The following UBE2E2 variants were observed in gnomAD, a reference collection of about 807,000 sequenced individuals.
The protein encoded by UBE2E2 is ubiquitin conjugating enzyme E2 E2, also known as ubiquitin-conjugating enzyme E2 E2.
UBE2E2 carries 6 observed loss-of-function variants against 24.7 expected under a neutral mutation model. That is an observed-to-expected ratio of 0.24 (90% CI 0.13 to 0.48). The LOEUF is 0.48. UBE2E2 is among the 20% of genes least tolerant of loss of function. The pLI, the probability that UBE2E2 is intolerant of heterozygous loss-of-function variation, is 0.99. For missense variants in UBE2E2, 169 were observed against 245.0 expected (o/e 0.69, Z 2.07); for synonymous variants, 104 against 83.6 (o/e 1.24, Z -1.33).
At chr3:23,529,914 G>A (rs944438158) in intron 4 of UBE2E2, among the ~76,000 whole-genome samples, 4 of 152,122 alleles carry the variant, frequency 2.6e-5, no homozygotes, top group African/African-American at 9.7e-5. Context: ...CCTTCCTAAT[G>A]TATGTGTTTG....
At chr3:23,557,149 A>G (rs1695809921) in intron 5 of UBE2E2, among the ~76,000 whole-genome samples, 2 of 152,326 alleles carry the variant, frequency 1.3e-5, no homozygotes, top group East Asian at 1.9e-4. Flanking sequence ...GAAATCAGTG[A>G]ATGACGGTGT....
At chr3:23,488,788 AG>A (rs1226890614) in intron 3 of UBE2E2, among the ~76,000 whole-genome samples, 1 of 152,100 alleles carries the variant, frequency 6.6e-6, no homozygotes, top group African/African-American at 2.4e-5. Context: ...AACAGGTGGG[AG>A]GTGGGGGCGG....
At chr3:23,271,589 G>A (rs1698244349) in intron 3 of UBE2E2, among the ~76,000 whole-genome samples, 1 of 152,098 alleles carries the variant, frequency 6.6e-6, no homozygotes, top group Non-Finnish European at 1.5e-5. Flanking sequence ...GAGCTGATTG[G>A]TCCATTTTGA....
intron 3 of UBE2E2, among the ~76,000 whole-genome samples, chr3:23,233,034 C>CATT (rs1234350539): frequency 6.6e-6 from 1 of 151,936 alleles, no homozygotes; most frequent in African/African-American, 2.4e-5. Flanking sequence ...AGTTAGCAGG[C>CATT]GAATGTAGCC....
chr3:23,266,694 C>T (rs949689140), intron 3 of UBE2E2, among the ~76,000 whole-genome samples: 2 of 152,092 alleles, frequency 1.3e-5, no homozygotes, highest in Admixed American at 1.3e-4. Context: ...CAGCTCCACA[C>T]CAAGCAGACG....
intron 3 of UBE2E2, among the ~76,000 whole-genome samples, chr3:23,483,413 T>C (rs1191619996): frequency 6.6e-6 from 1 of 152,342 alleles, no homozygotes; most frequent in East Asian, 1.9e-4. Flanking sequence ...ATATAAAATG[T>C]CTTAATTCTT....
chr3:23,358,056 G>T (rs1022751605), intron 3 of UBE2E2, among the ~76,000 whole-genome samples: 1 of 152,026 alleles, frequency 6.6e-6, no homozygotes, highest in Non-Finnish European at 1.5e-5. Flanking sequence ...GGCTGGTCTC[G>T]AGCTCTTGGG....
intron 3 of UBE2E2, among the ~76,000 whole-genome samples, chr3:23,477,038 AT>A (rs979472466): frequency 6.6e-6 from 1 of 152,166 alleles, no homozygotes; most frequent in African/African-American, 2.4e-5. Context: ...CAAAATTATC[AT>A]TTTAAAATTT....
At chr3:23,573,537 A>T (rs146069799) in intron 5 of UBE2E2, among the ~76,000 whole-genome samples, 3 of 152,230 alleles carry the variant, frequency 2.0e-5, no homozygotes, top group African/African-American at 7.2e-5. Flanking sequence ...ATTAAAATCA[A>T]TGAACAGCCT....
At chr3:23,570,403 C>A (rs951771495) in intron 5 of UBE2E2, among the ~76,000 whole-genome samples, 3 of 152,122 alleles carry the variant, frequency 2.0e-5, no homozygotes, top group Non-Finnish European at 4.4e-5. Flanking sequence ...CCAGCCCAGC[C>A]CATTTCCCAG....
At chr3:23,538,766 G>A (rs922511262) in intron 5 of UBE2E2, among the ~76,000 whole-genome samples, 1 of 151,604 alleles carries the variant, frequency 6.6e-6, no homozygotes, top group African/African-American at 2.4e-5. Context: ...TCATAAATTT[G>A]GTTTAAAAAA....
intron 3 of UBE2E2, among the ~76,000 whole-genome samples, chr3:23,348,794 G>A (rs1013535474): frequency 6.8e-6 from 1 of 148,102 alleles, no homozygotes; most frequent in Admixed American, 6.9e-5. Context: ...GCTGTTGCTA[G>A]GGTTTCTCTG....
intron 3 of UBE2E2, among the ~76,000 whole-genome samples, chr3:23,418,649 A>G (rs569539737): frequency 5.9e-5 from 9 of 152,312 alleles, no homozygotes; most frequent in South Asian, 2.1e-4. Context: ...TGAAAAGTAC[A>G]TCTTAAGCTG....
At chr3:23,488,443 T>G (rs746467733) in intron 3 of UBE2E2, among the ~76,000 whole-genome samples, 1 of 152,192 alleles carries the variant, frequency 6.6e-6, no homozygotes, top group East Asian at 1.9e-4. Flanking sequence ...CTCCCACTTA[T>G]GAGTGAGAAC....
chr3:23,291,271 C>T (rs913879529), intron 3 of UBE2E2, among the ~76,000 whole-genome samples: 2 of 152,080 alleles, frequency 1.3e-5, no homozygotes, highest in East Asian at 3.9e-4. Flanking sequence ...TACAAACTCA[C>T]AAATTACTGG....
At chr3:23,268,555 A>T (rs1402477433) in intron 3 of UBE2E2, among the ~76,000 whole-genome samples, 1 of 147,060 alleles carries the variant, frequency 6.8e-6, no homozygotes, top group Non-Finnish European at 1.5e-5. Flanking sequence ...ATAAAAGAGG[A>T]TACAAAGAAA....
At chr3:23,402,322 T>C (rs186677183) in intron 3 of UBE2E2, among the ~76,000 whole-genome samples, 1 of 152,306 alleles carries the variant, frequency 6.6e-6, no homozygotes, top group African/African-American at 2.4e-5. Flanking sequence ...TATCAAGTGA[T>C]CTTACGTGAT....
chr3:23,236,096 A>G (rs964559926), intron 3 of UBE2E2, among the ~76,000 whole-genome samples: 2 of 152,138 alleles, frequency 1.3e-5, no homozygotes, highest in Non-Finnish European at 2.9e-5. Flanking sequence ...GAGGAGTCCT[A>G]AGGAGTTTGC....
In UBE2E2 at chr3:23,591,051, C is replaced by T. The variant is rs1162846835; in HGVS notation, c.*1220C>T. On this transcript the variant is annotated 3_prime_UTR_variant, in exon 6 of 6. Coordinates refer to ENST00000396703, the MANE Select transcript of UBE2E2 (RefSeq NM_152653.4). ...AAGAAGTAAACTCAACTGTATTGGT[C>T]ACGGTCAGCCCATTCAATGACAAGG... 6.6e-6 allele frequency: 1 copy of T among 152,136 alleles called. No individual in the cohort carries two copies. The highest frequency in any genetic ancestry group is 1.5e-5 in the Non-Finnish European group (1 of 68,046). The allele number at this position is 152,136 out of a possible 1,614,324, so 9.4% of individuals were successfully genotyped here. A position where few individuals can be genotyped will look rare whatever the true frequency, so the allele number is the denominator to read the frequency against.
Sources: allele counts gnomAD v4.1 joint callset (sites outside exome capture counted in the v4.1 genomes callset), GRCh38; gene constraint gnomAD v4.1.1; transcripts MANE v1.5; gene names NCBI Gene and HGNC (gene_info 2026-07-23, HGNC 2026-07-21).